NTM: variants seen among roughly 807,000 people sequenced by gnomAD.
NTM encodes IgLON family member 2.
Under a neutral mutation model 42.1 loss-of-function variants are expected in NTM, and 13 were observed. That is an observed-to-expected ratio of 0.31 (90% CI 0.20 to 0.49). The LOEUF is 0.49. Among genes scored for constraint, NTM ranks in the 20% least tolerant of loss-of-function variants. The pLI is 0.99. For missense variants in NTM, 373 were observed against 452.8 expected (o/e 0.82, Z 1.60); for synonymous variants, 187 against 179.2 (o/e 1.04, Z -0.35).
intron 2 of NTM, among the ~76,000 whole-genome samples, chr11:132,036,680 A>C (rs2135722507): frequency 6.6e-6 from 1 of 152,302 alleles, no homozygotes; most frequent in East Asian, 1.9e-4. Context: ...CACACTTTTA[A>C]TAGCACAAGT....
intron 1 of NTM, among the ~76,000 whole-genome samples, chr11:131,846,646 T>G (rs1199422119): frequency 6.6e-6 from 1 of 152,168 alleles, no homozygotes; most frequent in African/African-American, 2.4e-5. Flanking sequence ...ATAACTATTG[T>G]ATATGTTATT....
At chr11:131,498,880 G>A (rs949007622) in intron 1 of NTM, among the ~76,000 whole-genome samples, 2 of 152,144 alleles carry the variant, frequency 1.3e-5, no homozygotes, top group Admixed American at 1.3e-4. Context: ...CTCATGCCAC[G>A]GGGACTTCTG....
At chr11:131,482,365 A>G (rs1331254647) in intron 1 of NTM, among the ~76,000 whole-genome samples, 1 of 152,220 alleles carries the variant, frequency 6.6e-6, no homozygotes, top group Non-Finnish European at 1.5e-5. Context: ...AGCCCTGCTG[A>G]TGAGAGCTGA....
intron 1 of NTM, among the ~76,000 whole-genome samples, chr11:131,371,751 C>T (rs1941219533): frequency 7.0e-6 from 1 of 141,872 alleles, no homozygotes. Flanking sequence ...GTTCCAGCAA[C>T]AGAATTATCC....
chr11:131,789,594 AG>A lies in NTM; in HGVS notation c.83-121969del, dbSNP rs1407493126. Among the ~76,000 whole-genome samples, 9 of 77,432 alleles carry A rather than the reference AG, an allele frequency of 1.2e-4. 1 individual carries two copies. The highest frequency in any genetic ancestry group is 5.7e-4 in the African/African-American group (9 of 15,796). 50.8% of individuals were successfully genotyped at this position (77,432 alleles called of 152,430 possible). A position where few individuals can be genotyped will look rare whatever the true frequency, so the allele number is the denominator to read the frequency against. On this transcript the variant is annotated intron_variant, in intron 1 of 8. Coordinates refer to ENST00000683400, the MANE Select transcript of NTM (RefSeq NM_001352005.2). ...AAGAAGAAGAAGAAGAAGAAGAAGAAGAAGAAGAAGAAGAAGAAGAAGAAGA... is the reference window on the plus strand; with the variant it reads ...AAGAAGAAGAAGAAGAAGAAGAAGAAAAGAAGAAGAAGAAGAAGAAGAAGA...
Position 132,003,122 on chromosome 11 carries a change from A to C in NTM, c.167+91474A>C, listed in dbSNP as rs144652628. Among the ~76,000 whole-genome samples, 185 of 152,200 alleles carry C rather than the reference A, an allele frequency of 1.2e-3. 3 individuals are homozygous for C. The South Asian group carries it at 0.022, about 18-fold the overall frequency. ...TTGACTTTTATAGTCAATTCTGCTT[A>C]TATTTCCTCCTTCACCCTAATGCTA... On this transcript the variant is annotated intron_variant, in intron 2 of 8. Coordinates refer to ENST00000683400, the MANE Select transcript of NTM (RefSeq NM_001352005.2). This position sits in a 1 kb window ranked among gnomAD's most constrained non-coding sequence, Gnocchi z 6.0.
chr11:132,023,777 GTT>G (rs1565969246), intron 2 of NTM, among the ~76,000 whole-genome samples: 4 of 95,642 alleles, frequency 4.2e-5, no homozygotes, highest in South Asian at 3.4e-4. Context: ...TGGTTTTGTT[GTT>G]GTTGGTGGTT....
chr11:131,513,921 C>T (rs2048569233), intron 1 of NTM, among the ~76,000 whole-genome samples: 2 of 152,040 alleles, frequency 1.3e-5, no homozygotes, highest in Admixed American at 6.6e-5. Flanking sequence ...AGCAAATGTC[C>T]CTTCCCAGCA....
intron 1 of NTM, among the ~76,000 whole-genome samples, chr11:131,723,056 A>G (rs899628719): frequency 2.0e-5 from 3 of 152,260 alleles, no homozygotes; most frequent in Admixed American, 1.3e-4. Context: ...CCAGGGCCAC[A>G]TAGCCAGTTG....
At chr11:132,217,696 C>T (rs2084199890) in intron 4 of NTM, among the ~76,000 whole-genome samples, 1 of 152,012 alleles carries the variant, frequency 6.6e-6, no homozygotes, top group African/African-American at 2.4e-5. Context: ...TGCCAGATCT[C>T]TTCCTTCCCA....
chr11:131,843,647 G>A (rs2044560177), intron 1 of NTM, among the ~76,000 whole-genome samples: 1 of 152,174 alleles, frequency 6.6e-6, no homozygotes, highest in Admixed American at 6.5e-5. Context: ...TCTAAATATT[G>A]CCAAACTGCT....
chr11:131,518,321 G>T (rs765768887), intron 1 of NTM, among the ~76,000 whole-genome samples: 7 of 152,078 alleles, frequency 4.6e-5, no homozygotes, highest in Non-Finnish European at 1.0e-4. Context: ...CTTACCCCAG[G>T]GCTCCCTCTA....
At chr11:131,812,117 G>T (rs185949024) in intron 1 of NTM, among the ~76,000 whole-genome samples, 1 of 151,176 alleles carries the variant, frequency 6.6e-6, no homozygotes, top group African/African-American at 2.4e-5. Flanking sequence ...ACTCCATTTG[G>T]TCTCTTCCAA....
chr11:131,492,942 G>T (rs1954950478), intron 1 of NTM, among the ~76,000 whole-genome samples: 1 of 152,170 alleles, frequency 6.6e-6, no homozygotes, highest in African/African-American at 2.4e-5. Context: ...TTAGGGCCAG[G>T]TGTGGTGGCT....
intron 1 of NTM, among the ~76,000 whole-genome samples, chr11:131,673,053 G>T (rs1211926521): frequency 6.6e-6 from 1 of 151,604 alleles, no homozygotes; most frequent in Non-Finnish European, 1.5e-5. Context: ...CGGGGTGGGG[G>T]TGGGGAGTGA....
chr11:131,729,486 T>C (rs1036634954), intron 1 of NTM, among the ~76,000 whole-genome samples: 18 of 152,308 alleles, frequency 1.2e-4, no homozygotes, highest in African/African-American at 3.8e-4. Context: ...AATATGATGT[T>C]TTTTAGTAGT....
At chr11:131,502,589 G>A (rs76408630) in intron 1 of NTM, among the ~76,000 whole-genome samples, 4,410 of 152,206 alleles carry the variant, frequency 0.029, 220 homozygotes, top group African/African-American at 0.098. Flanking sequence ...CCATGCTGCT[G>A]CATTCCCCGG....
At chr11:132,134,828 A>G (rs1346288296) in intron 2 of NTM, among the ~76,000 whole-genome samples, 1 of 147,294 alleles carries the variant, frequency 6.8e-6, no homozygotes, top group African/African-American at 2.5e-5. Context: ...TTGTAATTAC[A>G]GATTGTGCTG....
intron 2 of NTM, among the ~76,000 whole-genome samples, chr11:132,038,940 C>T (rs2076840178): frequency 6.6e-6 from 1 of 152,186 alleles, no homozygotes. Flanking sequence ...TCCCAACATG[C>T]TTCTTGTGTT....
Sources: allele counts gnomAD v4.1 joint callset (sites outside exome capture counted in the v4.1 genomes callset), GRCh38; gene constraint gnomAD v4.1.1; non-coding constraint Gnocchi (gnomAD v3.1); transcripts MANE v1.5; gene names NCBI Gene and HGNC (gene_info 2026-07-23, HGNC 2026-07-21).